Variants in WDR25 observed in about 807,000 individuals in gnomAD.
WDR25 encodes the protein WD repeat domain 25.
Under a neutral mutation model 47.7 loss-of-function variants are expected in WDR25, and 35 were observed. The observed-to-expected ratio is 0.73, with a 90% CI of 0.56 to 0.97. The LOEUF is 0.97. Among genes scored for constraint, WDR25 ranks in the 50% least tolerant of loss-of-function variants. WDR25 has a pLI of 0.00. For missense variants in WDR25, 634 were observed against 704.7 expected, an observed-to-expected ratio of 0.90 and a Z score of 1.14; for synonymous variants, 248 against 278.9, an observed-to-expected ratio of 0.89 and a Z score of 1.10.
At chr14:100,384,240 G>C (rs952525120) in intron 2 of WDR25, among the ~76,000 whole-genome samples, 2 of 152,270 alleles carry the variant, frequency 1.3e-5, no homozygotes, top group African/African-American at 4.8e-5. Flanking sequence ...GAACATTAGG[G>C]CTTTTATAAG....
intron 2 of WDR25, among the ~76,000 whole-genome samples, chr14:100,467,689 T>C (rs1899681818): frequency 6.6e-6 from 1 of 152,094 alleles, no homozygotes; most frequent in Non-Finnish European, 1.5e-5. Flanking sequence ...TTTCACCATG[T>C]TGCCTGGGCT....
rs1049475849 is a variant in WDR25, at chr14:100,529,598, G to T, written c.1414-222G>T. ...GGCCAGACCCCTCAGCTGGGCTGGA[G>T]CTGGTCCCGCTGGATCTGCTGAACT... On this transcript the variant is annotated intron_variant, in intron 6 of 6. Transcript: ENST00000402312. The surrounding 1 kb of genome is among the most constrained non-coding windows in gnomAD (Gnocchi z 5.1). 31 of 613,048 alleles carry T rather than the reference G, an allele frequency of 5.1e-5. No homozygotes were observed. The highest frequency in any genetic ancestry group is 7.7e-5 in the Non-Finnish European group (27 of 350,622). The allele number at this position is 613,048 out of a possible 1,614,324, so 38.0% of individuals were successfully genotyped here.
chr14:100,397,749 C>T (rs1418329432), intron 2 of WDR25, among the ~76,000 whole-genome samples: 1 of 152,210 alleles, frequency 6.6e-6, no homozygotes, highest in Non-Finnish European at 1.5e-5. Flanking sequence ...GGGAGGTGTA[C>T]AAGAGCATGC....
intron 1 of WDR25, among the ~76,000 whole-genome samples, chr14:100,379,738 T>A (rs1414130568): frequency 8.6e-5 from 13 of 151,764 alleles, no homozygotes; most frequent in African/African-American, 3.1e-4. Context: ...CTTTCCTTTT[T>A]TTTTTTTAAT....
At chr14:100,399,245 A>G (rs1897323237) in intron 2 of WDR25, among the ~76,000 whole-genome samples, 1 of 152,190 alleles carries the variant, frequency 6.6e-6, no homozygotes, top group Non-Finnish European at 1.5e-5. Context: ...GTCTTGAGGC[A>G]GTAACTGAGT....
At chr14:100,438,788 G>A (rs1156945570) in intron 2 of WDR25, among the ~76,000 whole-genome samples, 4 of 152,248 alleles carry the variant, frequency 2.6e-5, no homozygotes, top group African/African-American at 7.2e-5. Flanking sequence ...CAGCCACCCT[G>A]TGAGGTTCAT....
chr14:100,397,384 G>A (rs1392762856), intron 2 of WDR25, among the ~76,000 whole-genome samples: 1 of 152,218 alleles, frequency 6.6e-6, no homozygotes, highest in African/African-American at 2.4e-5. Flanking sequence ...AAGATGGAAA[G>A]TTGTTACTGG....
At chr14:100,492,115 T>C (rs1900585427) in intron 4 of WDR25, among the ~76,000 whole-genome samples, 1 of 152,170 alleles carries the variant, frequency 6.6e-6, no homozygotes, top group Non-Finnish European at 1.5e-5. Context: ...GGCAACAAAA[T>C]CCAGTTAGAT....
intron 3 of WDR25, among the ~76,000 whole-genome samples, chr14:100,480,558 C>A (rs1167862942): frequency 6.6e-6 from 1 of 152,174 alleles, no homozygotes; most frequent in Non-Finnish European, 1.5e-5. Flanking sequence ...TAAAAAATTT[C>A]TACTATGGAG....
At chr14:100,437,251 G>T (rs902582985) in intron 2 of WDR25, among the ~76,000 whole-genome samples, 2 of 152,060 alleles carry the variant, frequency 1.3e-5, no homozygotes, top group Non-Finnish European at 2.9e-5. Context: ...TAGAAAGCAG[G>T]TCCCTTCTGC....
intron 2 of WDR25, among the ~76,000 whole-genome samples, chr14:100,395,775 C>G (rs1207839027): frequency 6.6e-6 from 1 of 152,092 alleles, no homozygotes. Flanking sequence ...TCTTTGTGGG[C>G]CTACTTGAAT....
chr14:100,442,727 A>G (rs1055563216), intron 2 of WDR25, among the ~76,000 whole-genome samples: 2 of 152,246 alleles, frequency 1.3e-5, no homozygotes, highest in Non-Finnish European at 2.9e-5. Flanking sequence ...CAACCTTTTC[A>G]GGGAAACCTC....
chr14:100,492,511 T>C (rs1387026365), intron 4 of WDR25, among the ~76,000 whole-genome samples: 1 of 152,208 alleles, frequency 6.6e-6, no homozygotes, highest in Non-Finnish European at 1.5e-5. Flanking sequence ...CCCTTAAAAA[T>C]GCAGCAGGCA....
intron 3 of WDR25, among the ~76,000 whole-genome samples, chr14:100,475,375 C>A (rs1270182155): frequency 6.6e-6 from 1 of 152,174 alleles, no homozygotes; most frequent in South Asian, 2.1e-4. Context: ...ATGGAAGCCA[C>A]CTCGGTGTCC....
intron 2 of WDR25, among the ~76,000 whole-genome samples, chr14:100,462,398 T>C (rs1055037555): frequency 2.2e-4 from 34 of 152,262 alleles, no homozygotes; most frequent in African/African-American, 7.0e-4. Context: ...CACTTCAGTC[T>C]GCTGCAATGT....
At chr14:100,459,878 GTATA>G (rs1476564239) in intron 2 of WDR25, among the ~76,000 whole-genome samples, 1 of 95,732 alleles carries the variant, frequency 1.0e-5, no homozygotes, top group African/African-American at 4.0e-5. Context: ...ATATATATCC[GTATA>G]TGTGTGTGTG....
intron 3 of WDR25, among the ~76,000 whole-genome samples, chr14:100,478,751 G>A (rs1900102178): frequency 6.6e-6 from 1 of 152,120 alleles, no homozygotes. Flanking sequence ...AGCAGAAAAA[G>A]TTCGATCATC....
intron 3 of WDR25, among the ~76,000 whole-genome samples, chr14:100,471,485 C>A (rs569044882): frequency 6.6e-6 from 1 of 152,326 alleles, no homozygotes; most frequent in South Asian, 2.1e-4. Flanking sequence ...TGGCTTTCGT[C>A]CCGCTTTGAC....
chr14:100,468,685 G>A lies in WDR25; in HGVS notation c.970+517G>A, dbSNP rs966206246. On this transcript the variant is annotated intron_variant, in intron 3 of 6. Coordinates refer to ENST00000402312, the MANE Select transcript of WDR25 (RefSeq NM_001161476.3). The surrounding 1 kb of genome is among the most constrained non-coding windows in gnomAD (Gnocchi z 4.5). ...TGAGAGGGCTCTTGACAAGCAGGGC[G>A]AGAAGGAGAGAGAAGTCAGTGGAAG... Among the ~76,000 whole-genome samples, 1 of 152,108 alleles carries A rather than the reference G, an allele frequency of 6.6e-6. No homozygotes were observed. Among genetic ancestry groups the A allele is most frequent in the Non-Finnish European group, 1.5e-5 (1 of 68,034 alleles).
Sources: allele counts gnomAD v4.1 joint callset (sites outside exome capture counted in the v4.1 genomes callset), GRCh38; gene constraint gnomAD v4.1.1; non-coding constraint Gnocchi (gnomAD v3.1); transcripts MANE v1.5; gene names NCBI Gene and HGNC (gene_info 2026-07-23, HGNC 2026-07-21).